Variants in CLVS2 observed in about 807,000 individuals in gnomAD.
CLVS2 encodes the protein clavesin-2.
A neutral mutation model predicts 29.0 loss-of-function variants in CLVS2; 19 were observed. The observed-to-expected ratio is 0.66, with a 90% CI of 0.46 to 0.96. The LOEUF (loss-of-function observed/expected upper bound fraction) is 0.96. Among genes scored for constraint, CLVS2 ranks in the 40% least tolerant of loss-of-function variants. The pLI is 0.00. For missense variants in CLVS2, 294 were observed against 404.1 expected (o/e 0.73, Z 2.34); for synonymous variants, 161 against 151.3 (o/e 1.06, Z -0.47).
intron 3 of CLVS2, among the ~76,000 whole-genome samples, chr6:123,020,307 A>C (rs1433072641): frequency 3.3e-5 from 5 of 152,098 alleles, no homozygotes; most frequent in Non-Finnish European, 7.4e-5. Context: ...TGTTTCAACA[A>C]TCATTTCCTT....
intron 2 of CLVS2, among the ~76,000 whole-genome samples, chr6:123,009,950 G>C (rs1774725104): frequency 6.6e-6 from 1 of 152,008 alleles, no homozygotes; most frequent in Non-Finnish European, 1.5e-5. Flanking sequence ...TCAGAAGCTT[G>C]CTTGATATAC....
chr6:123,050,650 G>A (rs1772595634), intron 4 of CLVS2, among the ~76,000 whole-genome samples: 1 of 152,150 alleles, frequency 6.6e-6, no homozygotes, highest in South Asian at 2.1e-4. Flanking sequence ...GATGATAGGG[G>A]ATGGAGTAGG....
intron 4 of CLVS2, 84 bp from the exon 5 acceptor site, chr6:123,055,722 A>C (rs1033944404): frequency 1.0e-6 from 1 of 954,506 alleles, no homozygotes; most frequent in African/African-American, 1.6e-5. Context: ...TGCTATTGCT[A>C]TCCTCACATC....
intron 3 of CLVS2, among the ~76,000 whole-genome samples, chr6:123,047,179 T>C (rs1772526142): frequency 6.6e-6 from 1 of 151,976 alleles, no homozygotes; most frequent in Admixed American, 6.6e-5. Context: ...GGTGAAATAA[T>C]AATTATTAAT....
At chr6:123,014,110 C>T (rs537508673) in intron 3 of CLVS2, among the ~76,000 whole-genome samples, 21 of 152,132 alleles carry the variant, frequency 1.4e-4, no homozygotes, top group African/African-American at 2.9e-4. Context: ...TGAATATTGC[C>T]GCTATAAACA....
At chr6:123,005,134 T>C (rs1774649309) in intron 2 of CLVS2, among the ~76,000 whole-genome samples, 1 of 152,180 alleles carries the variant, frequency 6.6e-6, no homozygotes, top group South Asian at 2.1e-4. Flanking sequence ...TCTGTCCTCA[T>C]CTGTAAAATA....
At chr6:123,061,095 G>A (rs966375030) in intron 5 of CLVS2, among the ~76,000 whole-genome samples, 18 of 152,216 alleles carry the variant, frequency 1.2e-4, no homozygotes, top group Admixed American at 2.0e-4. Flanking sequence ...GAGGTCAGGA[G>A]TTTGAGACCA....
Position 122,997,974 on chromosome 6 carries a change from T to G in CLVS2, c.197T>G (p.Phe66Cys), listed in dbSNP as rs138716795. The G allele has an allele frequency of 4.3e-6, 7 of 1,613,990 alleles. No homozygotes were observed. In the African/African-American group the frequency reaches 9.3e-5, roughly 22 times the overall value. Residue 66 changes from phenylalanine (F) to cysteine (C), a missense_variant, in exon 2 of 6, where the codon TTT becomes TGT. By Grantham distance (205) the Phe-to-Cys change is radical. Coordinates refer to ENST00000275162, the MANE Select transcript of CLVS2 (RefSeq NM_001010852.4). The part of the protein sequence containing the change: ...RFLRARKFHH[F>C]EAFRLLAQYF... ...TTGCGGGCTAGGAAGTTTCATCACT[T>G]TGAGGCCTTCCGCCTCCTGGCGCAG...
intron 3 of CLVS2, among the ~76,000 whole-genome samples, chr6:123,033,310 A>G (rs1355090685): frequency 6.6e-6 from 1 of 152,112 alleles, no homozygotes; most frequent in Non-Finnish European, 1.5e-5. Flanking sequence ...TCAAATTGAT[A>G]TAGCAGTAAT....
chr6:123,031,850 T>A (rs1219775234), intron 3 of CLVS2, among the ~76,000 whole-genome samples: 3 of 152,118 alleles, frequency 2.0e-5, no homozygotes, highest in African/African-American at 7.2e-5. Flanking sequence ...CTTATTTTTC[T>A]TTCTTTGACT....
chr6:123,036,193 A>G (rs1378387279), intron 3 of CLVS2, among the ~76,000 whole-genome samples: 7 of 152,178 alleles, frequency 4.6e-5, no homozygotes, highest in Admixed American at 3.9e-4. Flanking sequence ...AACTTGTTGA[A>G]TATTATTTCC....
At chr6:123,029,611 A>G (rs552657201) in intron 3 of CLVS2, among the ~76,000 whole-genome samples, 1 of 152,292 alleles carries the variant, frequency 6.6e-6, no homozygotes, top group East Asian at 1.9e-4. Flanking sequence ...ACAAAATAGT[A>G]GAAGGACATG....
intron 3 of CLVS2, among the ~76,000 whole-genome samples, chr6:123,039,400 T>A (rs1401757198): frequency 6.6e-6 from 1 of 152,186 alleles, no homozygotes; most frequent in Admixed American, 6.5e-5. Context: ...GTGGCACAGT[T>A]ATTTGTGACC....
At chr6:123,061,657 T>C (rs1330883676) in intron 5 of CLVS2, among the ~76,000 whole-genome samples, 1 of 152,224 alleles carries the variant, frequency 6.6e-6, no homozygotes, top group Admixed American at 6.5e-5. Flanking sequence ...TAATACACTG[T>C]AATTTAAAAT....
At chr6:123,016,556 C>T (rs1240250424) in intron 3 of CLVS2, among the ~76,000 whole-genome samples, 2 of 151,974 alleles carry the variant, frequency 1.3e-5, no homozygotes, top group Admixed American at 6.6e-5. Context: ...TTCACAATTT[C>T]ACAGAACTCC....
rs1257880070 is a variant in CLVS2 at position 123,071,898 on chromosome 6, C to T, written c.*8137C>T. On this transcript the variant is annotated 3_prime_UTR_variant, in exon 6 of 6. Coordinates refer to ENST00000275162, the MANE Select transcript of CLVS2 (RefSeq NM_001010852.4). ...CAAGATGATAGAAATTGCTCATGCTCACATATATTCCAACTGGCTTTTCAG... is the reference window on the plus strand; with the variant it reads ...CAAGATGATAGAAATTGCTCATGCTTACATATATTCCAACTGGCTTTTCAG... 6.6e-6 allele frequency: 1 copy of T among 151,964 alleles called. No homozygotes were observed. Among genetic ancestry groups the T allele is most frequent in the African/African-American group, 2.4e-5 (1 of 41,426 alleles). 9.4% of individuals were successfully genotyped at this position (151,964 alleles called of 1,614,324 possible). A position where few individuals can be genotyped will look rare whatever the true frequency, so the allele number is the denominator to read the frequency against.
chr6:123,012,336 C>A (rs536668888), intron 3 of CLVS2, among the ~76,000 whole-genome samples: 2 of 152,026 alleles, frequency 1.3e-5, no homozygotes, highest in Admixed American at 1.3e-4. Flanking sequence ...AGTTTGTGAA[C>A]AAGATTGGTT....
chr6:123,013,394 G>T (rs933539064), intron 3 of CLVS2, among the ~76,000 whole-genome samples: 3 of 151,886 alleles, frequency 2.0e-5, no homozygotes, highest in African/African-American at 4.8e-5. Context: ...GAAATGAGAA[G>T]ATTTTAAATA....
rs943385202 is a variant in CLVS2, at chr6:123,064,038, G to T, written c.*277G>T. ...GTAAATTTCAGTAGTAACTCAGTTT[G>T]GAAAAAGGTTGGCTCAAAAGTCCAT... is the stretch of plus-strand genomic sequence containing the variant. On this transcript the variant is annotated 3_prime_UTR_variant, in exon 6 of 6. Transcript: ENST00000275162. The T allele has an allele frequency of 7.3e-5, 20 of 272,988 alleles. No individual in the cohort carries two copies. The highest frequency in any genetic ancestry group is 1.4e-5 in the Non-Finnish European group (2 of 144,794). The allele number at this position is 272,988 out of a possible 1,614,324, so 16.9% of individuals were successfully genotyped here.
Sources: allele counts gnomAD v4.1 joint callset (sites outside exome capture counted in the v4.1 genomes callset), GRCh38; gene constraint gnomAD v4.1.1; transcripts MANE v1.5; gene names NCBI Gene and HGNC (gene_info 2026-07-23, HGNC 2026-07-21).